Variants in PTPRC observed in about 807,000 individuals in gnomAD.
PTPRC encodes the protein protein tyrosine phosphatase receptor type C.
In PTPRC, 44 loss-of-function variants were observed where a neutral mutation model predicts 155.9. That is an observed-to-expected ratio of 0.28 (90% CI 0.22 to 0.36). The LOEUF (loss-of-function observed/expected upper bound fraction) is 0.36, where lower values mean the gene tolerates loss of function less well. Ranked by LOEUF, PTPRC falls within the 10% of genes least tolerant of loss-of-function variation. The pLI is 1.00. For synonymous variants in PTPRC, 525 were observed against 533.1 expected (o/e 0.98, Z 0.21); for missense variants, 1,401 against 1,564.6 (o/e 0.90, Z 1.76).
chr1:198,655,005 T>G (rs1245252658), intron 2 of PTPRC, among the ~76,000 whole-genome samples: 1 of 151,956 alleles, frequency 6.6e-6, no homozygotes, highest in Non-Finnish European at 1.5e-5. Context: ...CTTCTATTTT[T>G]ATTGTCTTAG....
At chr1:198,640,200 C>A (rs1325361516) in intron 2 of PTPRC, among the ~76,000 whole-genome samples, 1 of 151,808 alleles carries the variant, frequency 6.6e-6, no homozygotes, top group African/African-American at 2.4e-5. Context: ...GAGTACATTT[C>A]AATAGATTAT....
At position 198,713,068 on chromosome 1, in the gene PTPRC, G is replaced by C; in HGVS notation, c.1287G>C (p.Glu429Asp). The C allele has an allele frequency of 6.2e-7, 1 of 1,613,602 alleles. No homozygotes were observed. Among genetic ancestry groups the C allele is most frequent in the Non-Finnish European group, 8.5e-7 (1 of 1,179,646 alleles). The stretch of plus-strand genomic sequence containing the variant: ...ATTTTACCCTCTGTTATATAAAAGA[G>C]ACAGGTAATTTGTGTAGAATTTAAT... The part of the protein sequence containing the change: ...FHNFTLCYIK[E>D]TEKDCLNLDK... Residue 429 changes from glutamate to aspartate, a missense_variant, in exon 12 of 33, where the codon GAG (glutamate) becomes GAC (aspartate). Transcript: ENST00000442510.
rs767752802 is a variant in PTPRC, at chr1:198,702,434, G to A, written c.487G>A (p.Val163Ile). Residue 163 changes from valine to isoleucine, a missense_variant, in exon 6 of 33, where the codon GTT (valine) becomes ATT (isoleucine). Val to Ile is a conservative substitution (Grantham distance 29). Transcript: ENST00000442510. ...STASTFPTDP[V>I]SPLTTTLSLA... The stretch of plus-strand genomic sequence containing the variant: ...AGCCAGCACCTTTCCTACAGACCCA[G>A]TTTCCCCATTGACAACCACCCTCAG... 43 of 1,614,018 alleles carry A rather than the reference G, an allele frequency of 2.7e-5. No homozygotes were observed. The highest frequency in any genetic ancestry group is 8.5e-7 in the Non-Finnish European group (1 of 1,180,038).
chr1:198,744,116 G>T lies in PTPRC; in HGVS notation c.2760G>T (p.Val920=). The T allele has an allele frequency of 1.2e-6, 2 of 1,603,168 alleles. No homozygotes were observed. Among genetic ancestry groups the T allele is most frequent in the African/African-American group, 2.7e-5 (2 of 74,604 alleles). ...ACAATCAGTTTGGAGAAACAGAAGT[G>T]AATTTGTCTGAATTACATCCATATC... ...VEYNQFGETE[V]NLSELHPYLH... Residue 920 remains valine, a synonymous_variant, in exon 26 of 33, where the codon GTG becomes GTT. Coordinates refer to ENST00000442510, the MANE Select transcript of PTPRC (RefSeq NM_002838.5).
chr1:198,740,197 A>G (rs1383985953), intron 23 of PTPRC, among the ~76,000 whole-genome samples: 1 of 151,866 alleles, frequency 6.6e-6, no homozygotes, highest in Non-Finnish European at 1.5e-5. Flanking sequence ...ATTAGAAGAA[A>G]AAATAATAAA....
At chr1:198,705,809 T>C (rs79518908) in intron 8 of PTPRC, among the ~76,000 whole-genome samples, 4,439 of 152,234 alleles carry the variant, frequency 0.029, 201 homozygotes, top group African/African-American at 0.098. Context: ...TGCTCCAACC[T>C]CATCCCCCAA....
intron 2 of PTPRC, among the ~76,000 whole-genome samples, chr1:198,642,657 C>T (rs1662661247): frequency 1.3e-5 from 2 of 151,926 alleles, no homozygotes; most frequent in South Asian, 4.1e-4. Context: ...TTGCCATCAT[C>T]TTAATTCATG....
chr1:198,663,555 C>A (rs897676013), intron 2 of PTPRC, among the ~76,000 whole-genome samples: 3 of 152,232 alleles, frequency 2.0e-5, no homozygotes, highest in South Asian at 4.1e-4. Flanking sequence ...CTGACCTGGA[C>A]ATTGGAGACC....
At chr1:198,714,302 C>T (rs181951389) in intron 12 of PTPRC, among the ~76,000 whole-genome samples, 31 of 152,148 alleles carry the variant, frequency 2.0e-4, no homozygotes, top group African/African-American at 7.5e-4. Flanking sequence ...ATATGGTAGA[C>T]ATTTTATGCA....
intron 26 of PTPRC, among the ~76,000 whole-genome samples, chr1:198,745,685 G>T (rs1157505283): frequency 4.0e-5 from 6 of 151,788 alleles, no homozygotes; most frequent in African/African-American, 1.4e-4. Context: ...AGCTCTTTGG[G>T]GGTAGAGGCT....
intron 2 of PTPRC, among the ~76,000 whole-genome samples, chr1:198,671,696 A>T (rs1036016821): frequency 6.6e-6 from 1 of 152,148 alleles, no homozygotes; most frequent in African/African-American, 2.4e-5. Context: ...TGAACTCAAA[A>T]ACTTCTTTTG....
At chr1:198,731,885 G>A (rs1434489191) in intron 18 of PTPRC, among the ~76,000 whole-genome samples, 159 bp downstream of exon 18, 3 of 152,004 alleles carry the variant, frequency 2.0e-5, no homozygotes, top group African/African-American at 7.2e-5. Context: ...CCAGAAGAGA[G>A]ACTCATAGAG....
At chr1:198,736,787 C>G (rs1291005157) in intron 23 of PTPRC, among the ~76,000 whole-genome samples, 3 of 151,596 alleles carry the variant, frequency 2.0e-5, no homozygotes, top group African/African-American at 7.3e-5. Context: ...AGTTGTTGTA[C>G]TAATTTACTT....
rs752407600 is a variant in PTPRC at position 198,729,178 on chromosome 1, A to G, written c.1864+7A>G. ...CAGGAGCTTGTTGAAAGGGGTAAGT[A>G]TGTATATTTTTGCTGATGACTATTC... On this transcript the variant is annotated splice_region_variant and intron_variant, in intron 17 of 32. Coordinates refer to ENST00000442510, the MANE Select transcript of PTPRC (RefSeq NM_002838.5). 2 of 1,606,302 alleles carry G rather than the reference A, an allele frequency of 1.2e-6. No homozygotes were observed. Among genetic ancestry groups the G allele is most frequent in the Non-Finnish European group, 1.7e-6 (2 of 1,175,802 alleles).
rs1558008164 is a variant in PTPRC at position 198,702,482 on chromosome 1, G to A, written c.535G>A (p.Ala179Thr). The change falls in exon 6 of 33, where the codon GCC (alanine) becomes ACC (threonine). Residue 179 changes from alanine to threonine, a missense_variant. Ala to Thr is a moderately conservative substitution (Grantham distance 58). Coordinates refer to ENST00000442510, the MANE Select transcript of PTPRC (RefSeq NM_002838.5). ...TLSLAHHSSAALPARTSNTTI... is the reference protein window; with the variant it reads ...TLSLAHHSSATLPARTSNTTI... The stretch of plus-strand genomic sequence containing the variant: ...CAGCCTTGCACACCACAGCTCTGCT[G>A]CCTTACCTGCACGCACCTCCAACAC... 6.2e-7 allele frequency: 1 copy of A among 1,614,098 alleles called. No individual in the cohort carries two copies. Among genetic ancestry groups the A allele is most frequent in the South Asian group, 1.1e-5 (1 of 91,088 alleles).
intron 27 of PTPRC, 116 bp from the exon 28 acceptor site, chr1:198,749,300 A>C: frequency 1.0e-6 from 1 of 1,004,052 alleles, no homozygotes. Context: ...CATGTAGATC[A>C]GTAAGTTTTC....
Position 198,756,391 on chromosome 1 carries a change from A to ATCTC in PTPRC, c.*212_*215dup. ...AGACGTATGCTTATTTTAAAATTTT[A>ATCTC]TCTCTTATTCAGTAAAAAACAACTT... is the stretch of plus-strand genomic sequence containing the variant. On this transcript the variant is annotated 3_prime_UTR_variant, in exon 33 of 33. Coordinates refer to ENST00000442510, the MANE Select transcript of PTPRC (RefSeq NM_002838.5). 1 of 648,140 alleles carries ATCTC rather than the reference A, an allele frequency of 1.5e-6. No homozygotes were observed. The highest frequency in any genetic ancestry group is 2.6e-6 in the Non-Finnish European group (1 of 391,182). The allele number at this position is 648,140 out of a possible 1,614,324, so 40.1% of individuals were successfully genotyped here. A position where few individuals can be genotyped will look rare whatever the true frequency, so the allele number is the denominator to read the frequency against.
At chr1:198,743,760 A>G (rs1655018602) in intron 25 of PTPRC, among the ~76,000 whole-genome samples, 1 of 152,012 alleles carries the variant, frequency 6.6e-6, no homozygotes, top group Non-Finnish European at 1.5e-5. Context: ...AGGAAGTAAC[A>G]TACAATGTTC....
At chr1:198,738,405 G>T (rs1010913915) in intron 23 of PTPRC, among the ~76,000 whole-genome samples, 1 of 151,776 alleles carries the variant, frequency 6.6e-6, no homozygotes, top group Non-Finnish European at 1.5e-5. Flanking sequence ...CAATTGAAAT[G>T]ATCATGTCTT....
Sources: gnomAD v4.1 joint callset for allele counts (sites outside exome capture counted in the v4.1 genomes callset) on GRCh38, gnomAD v4.1.1 for gene constraint, MANE v1.5 for transcripts, NCBI Gene and HGNC (gene_info 2026-07-23, HGNC 2026-07-21) for gene names.